The following FSIP1 variants were observed in gnomAD, a reference collection of about 807,000 sequenced individuals.
FSIP1 encodes the protein fibrous sheath interacting protein 1, also known as fibrous sheath-interacting protein 1.
A neutral mutation model predicts 60.9 loss-of-function variants in FSIP1; 65 were observed. That is an observed-to-expected ratio of 1.07 (90% CI 0.87 to 1.31). FSIP1 has a LOEUF of 1.31. FSIP1 is among the 40% of genes most tolerant of loss of function. FSIP1 has a pLI of 0.00. For missense variants in FSIP1, 675 were observed against 665.5 expected, an observed-to-expected ratio of 1.01 and a Z score of -0.16; for synonymous variants, 209 against 221.2, an observed-to-expected ratio of 0.94 and a Z score of 0.49.
chr15:39,721,011 C>A (rs1294908551), intron 9 of FSIP1, among the ~76,000 whole-genome samples: 2 of 152,204 alleles, frequency 1.3e-5, no homozygotes, highest in Non-Finnish European at 2.9e-5. Flanking sequence ...AAATCAGATA[C>A]GTAAAAGCCA....
At chr15:39,625,555 C>T (rs1891605635) in intron 10 of FSIP1, among the ~76,000 whole-genome samples, 1 of 152,136 alleles carries the variant, frequency 6.6e-6, no homozygotes, top group Non-Finnish European at 1.5e-5. Flanking sequence ...TGAGGATTGC[C>T]AACAGTAGCT....
At chr15:39,780,383 G>A (rs1898217765) in intron 1 of FSIP1, among the ~76,000 whole-genome samples, 1 of 152,142 alleles carries the variant, frequency 6.6e-6, no homozygotes, top group Non-Finnish European at 1.5e-5. Context: ...AAATTAGCCG[G>A]GAGTGGTGAT....
rs568338440 is a variant in FSIP1 at position 39,698,342 on chromosome 15, T to C, written c.1188+15102A>G. Among the ~76,000 whole-genome samples, 11 of 152,206 alleles carry C rather than the reference T, an allele frequency of 7.2e-5. No individual in the cohort carries two copies. In the South Asian group the frequency reaches 1.9e-3, roughly 26 times the overall value. On this transcript the variant is annotated intron_variant, in intron 10 of 11. Transcript: ENST00000350221. ...ATTTAAAATTACTTATGTGGCTGCA[T>C]TGTGTTTCTGTTGGATGGTGCTGGT...
At chr15:39,607,211 C>T (rs1890858320) in intron 11 of FSIP1, among the ~76,000 whole-genome samples, 1 of 152,220 alleles carries the variant, frequency 6.6e-6, no homozygotes, top group Non-Finnish European at 1.5e-5. Context: ...CCATGCTTCG[C>T]TCCTCCACCC....
intron 5 of FSIP1, among the ~76,000 whole-genome samples, chr15:39,763,310 G>A (rs956462990): frequency 5.9e-5 from 9 of 152,130 alleles, no homozygotes; most frequent in Admixed American, 1.3e-4. Context: ...AAGGTTACAT[G>A]ACTCCATAAT....
chr15:39,776,293 C>T, intron 2 of FSIP1, 106 bp downstream of exon 2: 1 of 1,038,010 alleles, frequency 9.6e-7, no homozygotes, highest in Non-Finnish European at 1.4e-6. Flanking sequence ...CCCAAACACA[C>T]CGTCTAAGGA....
At chr15:39,603,676 G>A (rs1890722354) in intron 11 of FSIP1, among the ~76,000 whole-genome samples, 1 of 152,166 alleles carries the variant, frequency 6.6e-6, no homozygotes, top group Non-Finnish European at 1.5e-5. Context: ...ATGGATGGCT[G>A]GAGAGATCAC....
At chr15:39,669,898 A>G (rs1893648008) in intron 10 of FSIP1, among the ~76,000 whole-genome samples, 1 of 152,250 alleles carries the variant, frequency 6.6e-6, no homozygotes, top group Admixed American at 6.5e-5. Flanking sequence ...CCACTGCCAA[A>G]GCTTTATACA....
intron 10 of FSIP1, among the ~76,000 whole-genome samples, chr15:39,703,599 C>G (rs1366787015): frequency 1.3e-5 from 2 of 152,096 alleles, no homozygotes; most frequent in Non-Finnish European, 2.9e-5. Flanking sequence ...ACATTTTCAT[C>G]TCAAACATTA....
chr15:39,724,799 T>C (rs1174045993), intron 9 of FSIP1, among the ~76,000 whole-genome samples: 1 of 152,172 alleles, frequency 6.6e-6, no homozygotes, highest in Non-Finnish European at 1.5e-5. Flanking sequence ...ACCCTTGAAA[T>C]CTAACAAGAA....
At chr15:39,623,623 T>C (rs1891527661) in intron 10 of FSIP1, among the ~76,000 whole-genome samples, 1 of 152,194 alleles carries the variant, frequency 6.6e-6, no homozygotes, top group Non-Finnish European at 1.5e-5. Context: ...TAGTAGTCTA[T>C]TTTAGTCAAG....
intron 10 of FSIP1, among the ~76,000 whole-genome samples, chr15:39,682,109 A>G (rs183156437): frequency 1.1e-4 from 16 of 152,332 alleles, no homozygotes; most frequent in Admixed American, 9.1e-4. Flanking sequence ...TGGTCTCAAT[A>G]TAGTTCCTGG....
chr15:39,692,487 AT>A (rs1386725071), intron 10 of FSIP1, among the ~76,000 whole-genome samples: 1 of 152,220 alleles, frequency 6.6e-6, no homozygotes, highest in Non-Finnish European at 1.5e-5. Context: ...AGGAAAAAAA[AT>A]AACACATCAT....
chr15:39,691,360 G>A (rs948424616), intron 10 of FSIP1, among the ~76,000 whole-genome samples: 1 of 152,222 alleles, frequency 6.6e-6, no homozygotes, highest in African/African-American at 2.4e-5. Flanking sequence ...CCAGATGAAA[G>A]TCGCCCCACT....
At chr15:39,694,368 A>T (rs1359638438) in intron 10 of FSIP1, among the ~76,000 whole-genome samples, 1 of 152,250 alleles carries the variant, frequency 6.6e-6, no homozygotes, top group Non-Finnish European at 1.5e-5. Context: ...CATATGGTTT[A>T]AAATAGATGG....
intron 10 of FSIP1, among the ~76,000 whole-genome samples, chr15:39,642,725 T>C (rs1451170293): frequency 6.6e-6 from 1 of 152,240 alleles, no homozygotes; most frequent in African/African-American, 2.4e-5. Flanking sequence ...TTGTTTGTTT[T>C]GTTTTGTTTG....
chr15:39,761,664 G>C (rs1216971780), intron 5 of FSIP1, among the ~76,000 whole-genome samples: 1 of 152,160 alleles, frequency 6.6e-6, no homozygotes, highest in Non-Finnish European at 1.5e-5. Flanking sequence ...ACGGTGTGGT[G>C]AATATCATCA....
At chr15:39,762,138 T>C (rs1897521889) in intron 5 of FSIP1, among the ~76,000 whole-genome samples, 1 of 152,222 alleles carries the variant, frequency 6.6e-6, no homozygotes, top group Admixed American at 6.5e-5. Flanking sequence ...GAACAGTCAG[T>C]GTATCGGTTT....
rs141842824 is a variant in FSIP1, at chr15:39,615,228, G to A, written c.1699+2507C>T. Among the ~76,000 whole-genome samples, 389 of 151,782 alleles carry A rather than the reference G, an allele frequency of 2.6e-3. 3 individuals are homozygous for A. The highest frequency in any genetic ancestry group is 8.6e-3 in the African/African-American group (356 of 41,404). On this transcript the variant is annotated intron_variant, in intron 11 of 11. Transcript: ENST00000350221. ...CTGAGCAGTGACTTTTTTTTAATACGACCTTGAAGGCACAGGCAAAAATAG... is the reference window on the plus strand; with the variant it reads ...CTGAGCAGTGACTTTTTTTTAATACAACCTTGAAGGCACAGGCAAAAATAG...
Sources: gnomAD v4.1 joint callset for allele counts (sites outside exome capture counted in the v4.1 genomes callset) on GRCh38, gnomAD v4.1.1 for gene constraint, MANE v1.5 for transcripts, NCBI Gene and HGNC (gene_info 2026-07-23, HGNC 2026-07-21) for gene names.